CCDC158: variants seen among roughly 807,000 people sequenced by gnomAD.
The protein encoded by CCDC158 is coiled-coil domain-containing protein 158.
In CCDC158, 116 loss-of-function variants were observed where a neutral mutation model predicts 138.6. That is an observed-to-expected ratio of 0.84 (90% CI 0.72 to 0.98). The LOEUF (loss-of-function observed/expected upper bound fraction) is 0.98. Ranked by LOEUF, CCDC158 falls within the 50% of genes least tolerant of loss-of-function variation. CCDC158 has a pLI of 0.00. For synonymous variants in CCDC158, 436 were observed against 442.4 expected (o/e 0.99, Z 0.18); for missense variants, 1,265 against 1,306.1 (o/e 0.97, Z 0.48).
chr4:76,335,247 G>A (rs1035873941), intron 18 of CCDC158, among the ~76,000 whole-genome samples: 13 of 152,064 alleles, frequency 8.5e-5, no homozygotes, highest in South Asian at 2.1e-4. Context: ...CCAATTTTAC[G>A]AAACACTGGT....
Position 76,362,171 on chromosome 4 carries a change from A to G in CCDC158, c.1975T>C (p.Leu659=), listed in dbSNP as rs1019602688. 3.1e-6 allele frequency: 5 copies of G among 1,614,030 alleles called. No homozygotes were observed. The highest frequency in any genetic ancestry group is 1.3e-5 in the African/African-American group (1 of 74,994). Residue 659 remains leucine (L), a synonymous_variant, in exon 13 of 25, where the codon TTA becomes CTA. Coordinates refer to ENST00000682701, the MANE Select transcript of CCDC158 (RefSeq NM_001394954.1). ...KDIKQERDQL[L]NEVKTSRSEL... is the part of the protein sequence containing the mutation. ...CTCCTACTTGTTTTCACCTCATTTA[A>G]TAATTGATCTCTCTCTTGTTTGATG...
chr4:76,405,911 A>G (rs180778580), intron 2 of CCDC158, among the ~76,000 whole-genome samples: 2 of 152,208 alleles, frequency 1.3e-5, no homozygotes, highest in East Asian at 3.9e-4. Context: ...AAATAAAGAA[A>G]CTCTAGCAAA....
intron 4 of CCDC158, among the ~76,000 whole-genome samples, chr4:76,394,873 C>A (rs1041195062): frequency 6.6e-6 from 1 of 151,912 alleles, no homozygotes; most frequent in Non-Finnish European, 1.5e-5. Context: ...ATACAAGATA[C>A]CTAAGAGAAA....
rs1280940411 is a variant in CCDC158, at chr4:76,371,357, A to AT, written c.1149+59dup. The AT allele has an allele frequency of 3.3e-6, 5 of 1,525,622 alleles. No homozygotes were observed. The East Asian group carries it at 1.1e-4, about 35-fold the overall frequency. 94.5% of individuals were successfully genotyped at this position (1,525,622 alleles called of 1,614,324 possible). ...TTATAAAGGAAACGAGTTTTGTGAT[A>AT]TATTTCAGTGAAAAACTTCCCAGAA... On this transcript the variant is annotated intron_variant, in intron 10 of 24. Coordinates refer to ENST00000682701, the MANE Select transcript of CCDC158 (RefSeq NM_001394954.1).
rs775822545 is a variant in CCDC158 at position 76,371,397 on chromosome 4, A to AT, written c.1149+19dup. The AT allele has an allele frequency of 6.2e-7, 1 of 1,611,350 alleles. No individual in the cohort carries two copies. ...ACTTCCCAGAATTAGTCTTATTCAT[A>AT]TTTTAAAGCATAATCTTACCAACAG... On this transcript the variant is annotated intron_variant, in intron 10 of 24. Transcript: ENST00000682701.
At chr4:76,415,552 T>C (rs933718446) in intron 1 of CCDC158, among the ~76,000 whole-genome samples, 2 of 152,160 alleles carry the variant, frequency 1.3e-5, no homozygotes, top group African/African-American at 4.8e-5. Context: ...ATAGTTATAC[T>C]AGATATAGAT....
intron 18 of CCDC158, among the ~76,000 whole-genome samples, chr4:76,339,176 T>C (rs1219674558): frequency 6.6e-6 from 1 of 152,034 alleles, no homozygotes; most frequent in Non-Finnish European, 1.5e-5. Context: ...AAAAAAACCA[T>C]GAACATGAAG....
intron 23 of CCDC158, among the ~76,000 whole-genome samples, chr4:76,325,085 T>C (rs973591320): frequency 6.6e-6 from 1 of 152,114 alleles, no homozygotes; most frequent in East Asian, 1.9e-4. Context: ...TTGAAGAAGA[T>C]AGTAAATGAA....
intron 8 of CCDC158, among the ~76,000 whole-genome samples, chr4:76,380,432 T>G (rs1212898503): frequency 1.3e-5 from 2 of 152,208 alleles, no homozygotes; most frequent in Non-Finnish European, 2.9e-5. Context: ...ATTTTGCCCC[T>G]GCCCTAAAGA....
At chr4:76,330,830 G>T (rs556774594) in intron 21 of CCDC158, among the ~76,000 whole-genome samples, 2 of 152,234 alleles carry the variant, frequency 1.3e-5, no homozygotes, top group East Asian at 3.9e-4. Flanking sequence ...CTCTGCAGGG[G>T]TCCTGGAACA....
chr4:76,384,479 AC>A, intron 5 of CCDC158, 64 bp from the exon 6 acceptor site: 1 of 1,562,004 alleles, frequency 6.4e-7, no homozygotes, highest in Non-Finnish European at 8.7e-7. Flanking sequence ...AAGTAGTTTT[AC>A]TACAAACAGT....
At chr4:76,335,744 CT>C (rs1721422234) in intron 18 of CCDC158, among the ~76,000 whole-genome samples, 1 of 152,122 alleles carries the variant, frequency 6.6e-6, no homozygotes, top group Non-Finnish European at 1.5e-5. Context: ...CCATGACCAG[CT>C]AACTTTTTTG....
At chr4:76,367,911 A>G (rs1302442502) in intron 11 of CCDC158, 135 bp from the exon 12 acceptor site, 40 of 795,436 alleles carry the variant, frequency 5.0e-5, no homozygotes, top group Non-Finnish European at 6.6e-5. Context: ...TTTTTTTTTA[A>G]GAGATGGGGG....
intron 18 of CCDC158, chr4:76,344,960 G>A (rs1722401913): frequency 6.7e-7 from 1 of 1,500,250 alleles, no homozygotes; most frequent in African/African-American, 1.4e-5. Context: ...AAGTGCTGAA[G>A]AAGTCCTTTT....
intron 4 of CCDC158, among the ~76,000 whole-genome samples, chr4:76,395,550 C>T (rs1177508492): frequency 6.6e-6 from 1 of 152,032 alleles, no homozygotes; most frequent in Non-Finnish European, 1.5e-5. Context: ...TAAGAGTTTG[C>T]CAGGCAGACA....
chr4:76,321,312 C>T (rs751025849), intron 24 of CCDC158, among the ~76,000 whole-genome samples: 28 of 152,128 alleles, frequency 1.8e-4, no homozygotes, highest in South Asian at 4.1e-4. Flanking sequence ...AAAGGGAACA[C>T]TTTTACACTG....
intron 24 of CCDC158, among the ~76,000 whole-genome samples, chr4:76,320,844 T>G (rs1294189830): frequency 6.6e-6 from 1 of 152,112 alleles, no homozygotes; most frequent in African/African-American, 2.4e-5. Flanking sequence ...TTGTAGACAT[T>G]GGGTTAGACA....
chr4:76,322,474 T>C (rs924979988), intron 24 of CCDC158, among the ~76,000 whole-genome samples: 1 of 152,230 alleles, frequency 6.6e-6, no homozygotes, highest in African/African-American at 2.4e-5. Flanking sequence ...AGTGAAGCTC[T>C]GAGTAAAAGG....
At chr4:76,373,063 GGTCT>G (rs1725392195) in intron 9 of CCDC158, among the ~76,000 whole-genome samples, 1 of 152,138 alleles carries the variant, frequency 6.6e-6, no homozygotes, top group Non-Finnish European at 1.5e-5. Flanking sequence ...TGGCCAGGCT[GGTCT>G]CGAACTCCTG....
Sources: allele counts gnomAD v4.1 joint callset (sites outside exome capture counted in the v4.1 genomes callset), GRCh38; gene constraint gnomAD v4.1.1; transcripts MANE v1.5; gene names NCBI Gene and HGNC (gene_info 2026-07-23, HGNC 2026-07-21).